ZNF584: variants seen among roughly 807,000 people sequenced by gnomAD.
ZNF584 encodes zinc finger protein 584.
ZNF584 carries 12 observed loss-of-function variants against 14.7 expected under a neutral mutation model. The ratio of observed to expected loss-of-function variants is 0.82; its 90% CI spans 0.52 to 1.32. The LOEUF (loss-of-function observed/expected upper bound fraction) is 1.32, where lower values mean the gene tolerates loss of function less well. Among genes scored for constraint, ZNF584 ranks in the 40% most tolerant of loss-of-function variants. ZNF584 has a pLI of 0.00. For synonymous variants in ZNF584, 204 were observed against 190.9 expected (o/e 1.07, Z -0.57); for missense variants, 478 against 518.8 (o/e 0.92, Z 0.76).
Position 58,416,797 on chromosome 19 carries a change from A to G in ZNF584, c.293-14A>G, listed in dbSNP as rs1393191060. The G allele has an allele frequency of 6.5e-7, 1 of 1,527,524 alleles. No homozygotes were observed. The highest frequency in any genetic ancestry group is 8.8e-7 in the Non-Finnish European group (1 of 1,139,356). 94.6% of individuals were successfully genotyped at this position (1,527,524 alleles called of 1,614,324 possible). On this transcript the variant is annotated splice_polypyrimidine_tract_variant and intron_variant, in intron 3 of 3. Coordinates refer to ENST00000306910, the MANE Select transcript of ZNF584 (RefSeq NM_173548.3). Reference sequence around the variant, plus strand: ...CTAGTTCAACTCTTAGTAATGATTCATCTCTGCTTTCAGATGGTTTGTGTA... The same window carrying G: ...CTAGTTCAACTCTTAGTAATGATTCGTCTCTGCTTTCAGATGGTTTGTGTA...
chr19:58,415,849 G>T (rs776417052), intron 3 of ZNF584: 20 of 1,600,064 alleles, frequency 1.2e-5, no homozygotes, highest in Non-Finnish European at 1.6e-5. Flanking sequence ...TCTGGCCTGC[G>T]TCTCCTCATT....
Position 58,410,084 on chromosome 19 carries a change from C to T in ZNF584, c.162C>T (p.Ser54=). Residue 54 remains serine, a synonymous_variant, in exon 2 of 4, where the codon AGC becomes AGT. Transcript: ENST00000306910. ...DVMLENFALV[S]SLGLAPSRSP... ...TGCTGGAGAACTTTGCACTCGTTAG[C>T]TCACTGGGTAAGTCTCTTACACTGT... 6.2e-7 allele frequency: 1 copy of T among 1,609,790 alleles called. No homozygotes were observed. The highest frequency in any genetic ancestry group is 8.5e-7 in the Non-Finnish European group (1 of 1,177,884).
chr19:58,409,833 T>G, intron 1 of ZNF584, 108 bp from the exon 2 acceptor site: 1 of 1,340,268 alleles, frequency 7.5e-7, no homozygotes, highest in South Asian at 1.2e-5. Flanking sequence ...TAGGGAAAGA[T>G]AATGTCAGGG....
chr19:58,406,316 C>G (rs952381953), upstream of ZNF584: 2 of 114,714 alleles, frequency 1.7e-5, no homozygotes, highest in Admixed American at 2.6e-4. Flanking sequence ...AGCTTCGGCT[C>G]GGCATCAGAG....
rs1010206973 is a variant in ZNF584 at position 58,408,965 on chromosome 19, C to G, written c.-183C>G. ...TCGCGGACAGGCGCCGTGGGTCTCC[C>G]GGGCCTCCGTACCGTCCTCCTTCCC... is the stretch of plus-strand genomic sequence containing the variant. On this transcript the variant is annotated 5_prime_UTR_variant, in exon 1 of 4. Transcript: ENST00000306910. 5 of 649,920 alleles carry G rather than the reference C, an allele frequency of 7.7e-6. No homozygotes were observed. Among genetic ancestry groups the G allele is most frequent in the Middle Eastern group, 2.7e-4 (1 of 3,756 alleles). 40.3% of individuals were successfully genotyped at this position (649,920 alleles called of 1,614,324 possible). A position where few individuals can be genotyped will look rare whatever the true frequency, so the allele number is the denominator to read the frequency against.
intron 2 of ZNF584, among the ~76,000 whole-genome samples, chr19:58,415,067 G>A (rs899386722): frequency 6.0e-5 from 9 of 150,136 alleles, no homozygotes; most frequent in Admixed American, 6.0e-4. Context: ...TGATTTTTTT[G>A]TATTTTTAGT....
In ZNF584 at chr19:58,410,055, G is replaced by A; in HGVS notation, c.133G>A (p.Val45Met). The change falls in exon 2 of 4, where the codon GTG (valine) becomes ATG (methionine). Residue 45 changes from valine to methionine, a missense_variant. By Grantham distance (21) the Val-to-Met change is conservative (BLOSUM62 1). Around this residue, in one of 3 missense-constraint regions of ZNF584, gnomAD observed 189 missense variants for 177.9 expected, o/e 1.06. Coordinates refer to ENST00000306910, the MANE Select transcript of ZNF584 (RefSeq NM_173548.3). ...NVTQKGLYRD[V>M]MLENFALVSS... is the part of the protein sequence containing the mutation. ...GACCCAGAAGGGCCTATACCGGGAT[G>A]TGATGCTGGAGAACTTTGCACTCGT... 6.2e-7 allele frequency: 1 copy of A among 1,613,588 alleles called. No individual in the cohort carries two copies. The highest frequency in any genetic ancestry group is 8.5e-7 in the Non-Finnish European group (1 of 1,179,764).
intron 1 of ZNF584, among the ~76,000 whole-genome samples, chr19:58,401,905 G>T (rs4801268): frequency 4.1e-5 from 4 of 98,430 alleles, no homozygotes; most frequent in East Asian, 3.5e-4. Context: ...AAAAAAAAAA[G>T]ATTTTTTTTT....
At position 58,418,012 on chromosome 19, in the gene ZNF584, C is replaced by G. The variant is rs1156920785; in HGVS notation, c.*228C>G. 1 of 567,790 alleles carries G rather than the reference C, an allele frequency of 1.8e-6. No homozygotes were observed. Among genetic ancestry groups the G allele is most frequent in the African/African-American group, 1.9e-5 (1 of 53,290 alleles). 35.2% of individuals were successfully genotyped at this position (567,790 alleles called of 1,614,324 possible). On this transcript the variant is annotated 3_prime_UTR_variant, in exon 4 of 4. Transcript: ENST00000306910. ...TGAGTTTATCCACCGCCATCCACCT[C>G]TATCCACCCCATAAGGTCCCTACAG...
rs191405305 is a variant in ZNF584, at chr19:58,410,729, A to G, written c.169+638A>G. On this transcript the variant is annotated intron_variant, in intron 2 of 3. Coordinates refer to ENST00000306910, the MANE Select transcript of ZNF584 (RefSeq NM_173548.3). ...TGTATATATGTGTATATATATATGT[A>G]TATATATATATGTGTGTATATATAT... 9.9e-3 allele frequency among the ~76,000 whole-genome samples: 435 copies of G among 44,134 alleles called. 94 individuals carry two copies. Among genetic ancestry groups the G allele is most frequent in the Non-Finnish European group, 0.012 (333 of 26,700 alleles). The allele number at this position is 44,134 out of a possible 152,430, so 29.0% of individuals were successfully genotyped here. A position where few individuals can be genotyped will look rare whatever the true frequency, so the allele number is the denominator to read the frequency against.
In ZNF584 at chr19:58,415,595, G is replaced by T; in HGVS notation, c.241G>T (p.Val81Leu). 1 of 1,614,194 alleles carries T rather than the reference G, an allele frequency of 6.2e-7. No homozygotes were observed. Among genetic ancestry groups the T allele is most frequent in the South Asian group, 1.1e-5 (1 of 91,076 alleles). ...TGAACAGTCGTGGGTGCCCAGCTGG[G>T]TGGATGTGACTCCAGTCAGCAGAGC... ...DDEQSWVPSW[V>L]DVTPVSRAEA... Residue 81 changes from valine (V) to leucine (L), a missense_variant, in exon 3 of 4, where the codon GTG becomes TTG. Physicochemically the swap from Val to Leu is conservative, Grantham distance 32 (BLOSUM62 1). Transcript: ENST00000306910.
In ZNF584 at chr19:58,417,323, C is replaced by T. The variant is rs760969734; in HGVS notation, c.805C>T (p.Pro269Ser). The T allele has an allele frequency of 4.3e-6, 7 of 1,614,060 alleles. No individual in the cohort carries two copies. In the Admixed American group the frequency reaches 1.0e-4, roughly 23 times the overall value. ...LHQRIHTGER[P>S]YECSKCGKTF... is the part of the protein sequence containing the mutation. ...CCAGAGGATTCACACTGGAGAAAGGCCTTACGAGTGCAGCAAATGTGGTAA... is the reference window on the plus strand; with the variant it reads ...CCAGAGGATTCACACTGGAGAAAGGTCTTACGAGTGCAGCAAATGTGGTAA... The change falls in exon 4 of 4, where the codon CCT becomes TCT. Residue 269 changes from proline (P) to serine (S), a missense_variant. Pro to Ser is a moderately conservative substitution (Grantham distance 74, BLOSUM62 -1). Transcript: ENST00000306910.
At position 58,417,418 on chromosome 19, in the gene ZNF584, T is replaced by C; in HGVS notation, c.900T>C (p.Cys300=). The change falls in exon 4 of 4, where the codon TGT becomes TGC. Residue 300 remains cysteine (C), a synonymous_variant. Transcript: ENST00000306910. ...ACATTGGAGAAAGGCCCTATGAGTG[T>C]ACAGAATGTGGGAAGTTCTTTAAAT... ...KVHIGERPYE[C]TECGKFFKYN... is the part of the protein sequence containing the mutation. 2 of 1,603,666 alleles carry C rather than the reference T, an allele frequency of 1.2e-6. No individual in the cohort carries two copies. The highest frequency in any genetic ancestry group is 1.7e-6 in the Non-Finnish European group (2 of 1,171,392).
rs754890007 is a variant in ZNF584 at position 58,415,789 on chromosome 19, G to A, written c.292+143G>A. ...CTTTCCTGTCTTATGTGGACACTGT[G>A]CAGTCTGCCATCTCTACCATGATTT... On this transcript the variant is annotated intron_variant, in intron 3 of 3. Coordinates refer to ENST00000306910, the MANE Select transcript of ZNF584 (RefSeq NM_173548.3). 3.7e-6 allele frequency: 6 copies of A among 1,609,548 alleles called. No homozygotes were observed. The Admixed American group carries it at 6.7e-5, about 18-fold the overall frequency.
At chr19:58,416,218 C>T (rs1375917080) in intron 3 of ZNF584, 3 of 331,596 alleles carry the variant, frequency 9.0e-6, no homozygotes, top group African/African-American at 6.3e-5. Context: ...CAACCCAGAC[C>T]TTTCCTAGCA....
At chr19:58,412,364 C>T (rs10411899) in intron 2 of ZNF584, among the ~76,000 whole-genome samples, 12,249 of 150,976 alleles carry the variant, frequency 0.081, 1,523 homozygotes, top group African/African-American at 0.27. Context: ...CGCCCGCCAC[C>T]GCGCCCGGCT....
At position 58,408,889 on chromosome 19, in the gene ZNF584, C is replaced by G. The variant is rs940324153; in HGVS notation, c.-259C>G. 4.7e-5 allele frequency: 19 copies of G among 408,004 alleles called. No individual in the cohort carries two copies. Among genetic ancestry groups the G allele is most frequent in the Non-Finnish European group, 7.9e-5 (18 of 228,292 alleles). 25.3% of individuals were successfully genotyped at this position (408,004 alleles called of 1,614,324 possible). A position where few individuals can be genotyped will look rare whatever the true frequency, so the allele number is the denominator to read the frequency against. The stretch of plus-strand genomic sequence containing the variant: ...GGGCAGGGACCTTTGCCGCGCCTTC[C>G]ACGCGCCGTGCCCCACCGGCGAGTG... On this transcript the variant is annotated 5_prime_UTR_variant, in exon 1 of 4. Coordinates refer to ENST00000306910, the MANE Select transcript of ZNF584 (RefSeq NM_173548.3).
At chr19:58,410,543 A>AATTTTTTTTTTTTTTTTTTTT (rs1568584349) in intron 2 of ZNF584, among the ~76,000 whole-genome samples, 1 of 23,160 alleles carries the variant, frequency 4.3e-5, no homozygotes, top group African/African-American at 2.5e-4. Context: ...ATATATATAT[A>AATTTTTTTTTTTTTTTTTTTT]TATATATATA....
At chr19:58,409,215 C>A (rs374536070) in intron 1 of ZNF584, 50 bp downstream of exon 1, 10 of 1,386,462 alleles carry the variant, frequency 7.2e-6, no homozygotes, top group Non-Finnish European at 8.5e-6. Flanking sequence ...AGGTGGGGGG[C>A]GGCGTGTGCC....
Sources: gnomAD v4.1 joint callset for allele counts (sites outside exome capture counted in the v4.1 genomes callset) on GRCh38, gnomAD v4.1.1 for gene constraint, gnomAD v4.1.1 regional missense constraint, MANE v1.5 for transcripts, NCBI Gene and HGNC (gene_info 2026-07-23, HGNC 2026-07-21) for gene names.